Variants in SGCZ observed in about 807,000 individuals in gnomAD.
SGCZ encodes sarcoglycan zeta, also known as zeta-sarcoglycan.
Under a neutral mutation model 41.3 loss-of-function variants are expected in SGCZ, and 40 were observed. The ratio of observed to expected loss-of-function variants is 0.97; its 90% CI spans 0.75 to 1.26. SGCZ has a LOEUF of 1.26. Among genes scored for constraint, SGCZ ranks in the 50% most tolerant of loss-of-function variants. SGCZ has a pLI of 0.00. For missense variants in SGCZ, 552 were observed against 369.8 expected (o/e 1.49, Z -4.04); for synonymous variants, 206 against 137.5 (o/e 1.50, Z -3.49).
chr8:14,824,064 A>T (rs1475386420), intron 1 of SGCZ, among the ~76,000 whole-genome samples: 1 of 152,152 alleles, frequency 6.6e-6, no homozygotes, highest in African/African-American at 2.4e-5. Flanking sequence ...AGAAGCAAAG[A>T]ATAGAACAGT....
chr8:14,660,406 T>C (rs534425168), intron 1 of SGCZ, among the ~76,000 whole-genome samples: 2 of 151,762 alleles, frequency 1.3e-5, no homozygotes, highest in South Asian at 4.2e-4. Context: ...ACCTCATCTC[T>C]ACTAAAAATA....
At chr8:14,109,283 A>G (rs28437715) in intron 5 of SGCZ, among the ~76,000 whole-genome samples, 2,570 of 152,216 alleles carry the variant, frequency 0.017, 76 homozygotes, top group African/African-American at 0.058. Flanking sequence ...TACTGAATCC[A>G]TTTTTTTCCA....
At chr8:14,176,522 C>A (rs1804546320) in intron 4 of SGCZ, among the ~76,000 whole-genome samples, 1 of 152,070 alleles carries the variant, frequency 6.6e-6, no homozygotes, top group Non-Finnish European at 1.5e-5. Context: ...AATGTATGTC[C>A]TCAAATGACT....
intron 1 of SGCZ, among the ~76,000 whole-genome samples, chr8:15,208,203 T>G (rs1041103877): frequency 1.1e-4 from 17 of 152,214 alleles, no homozygotes; most frequent in African/African-American, 3.6e-4. Flanking sequence ...ACAGTAATCC[T>G]CAGGGTTTGC....
intron 5 of SGCZ, among the ~76,000 whole-genome samples, chr8:14,164,102 T>C (rs1413486439): frequency 6.6e-6 from 1 of 152,190 alleles, no homozygotes. Context: ...ATAATATGTG[T>C]ATAGCATTAG....
chr8:14,813,782 T>C (rs936924536), intron 1 of SGCZ, among the ~76,000 whole-genome samples: 1 of 152,050 alleles, frequency 6.6e-6, no homozygotes, highest in Non-Finnish European at 1.5e-5. Flanking sequence ...AGAAACTTCA[T>C]CTCTACTAAA....
At chr8:14,905,778 AC>A (rs1460457628) in intron 1 of SGCZ, among the ~76,000 whole-genome samples, 1 of 152,000 alleles carries the variant, frequency 6.6e-6, no homozygotes, top group Non-Finnish European at 1.5e-5. Flanking sequence ...ACTCAATTAA[AC>A]ATTGAATGAG....
chr8:14,470,025 T>A (rs961796840), intron 2 of SGCZ, among the ~76,000 whole-genome samples: 20 of 152,120 alleles, frequency 1.3e-4, no homozygotes, highest in African/African-American at 4.1e-4. Flanking sequence ...GAAGCTGGGT[T>A]GGTCAGAAGT....
chr8:14,445,557 C>T (rs959669179), intron 2 of SGCZ, among the ~76,000 whole-genome samples: 3 of 152,200 alleles, frequency 2.0e-5, no homozygotes, highest in Admixed American at 6.5e-5. Context: ...TCTCCAGCTG[C>T]CCTCTCCACT....
intron 1 of SGCZ, among the ~76,000 whole-genome samples, chr8:14,868,246 A>G (rs901885165): frequency 6.6e-6 from 1 of 152,052 alleles, no homozygotes; most frequent in Non-Finnish European, 1.5e-5. Flanking sequence ...CCCTCATGCA[A>G]CTCGGTGACC....
Position 14,831,227 on chromosome 8 carries a change from C to T in SGCZ, c.40-276301G>A, listed in dbSNP as rs147681716. On this transcript the variant is annotated intron_variant, in intron 1 of 7. Coordinates refer to ENST00000382080, the MANE Select transcript of SGCZ (RefSeq NM_139167.4). ...AAAGAAAGATTTTCAAAGTACATGACGGCAAAATACTCATGGTGTTTCAGT... is the reference window on the plus strand; with the variant it reads ...AAAGAAAGATTTTCAAAGTACATGATGGCAAAATACTCATGGTGTTTCAGT... Among the ~76,000 whole-genome samples, 1,389 of 152,210 alleles carry T rather than the reference C, an allele frequency of 9.1e-3. 11 individuals are homozygous for T. Among genetic ancestry groups the T allele is most frequent in the Non-Finnish European group, 0.013 (893 of 67,994 alleles).
intron 2 of SGCZ, among the ~76,000 whole-genome samples, chr8:14,439,543 T>G (rs1292636938): frequency 6.6e-6 from 1 of 151,674 alleles, no homozygotes; most frequent in East Asian, 1.9e-4. Flanking sequence ...CCCAAAATAT[T>G]AGCAAAGGGA....
intron 2 of SGCZ, among the ~76,000 whole-genome samples, chr8:14,429,704 AGAG>A (rs1799888921): frequency 6.6e-6 from 1 of 152,200 alleles, no homozygotes; most frequent in South Asian, 2.1e-4. Flanking sequence ...CCTTAGAAGA[AGAG>A]GACAAAACAC....
chr8:15,138,013 T>C lies in SGCZ; in HGVS notation c.39+99572A>G, dbSNP rs575480779. On this transcript the variant is annotated intron_variant, in intron 1 of 7. Coordinates refer to ENST00000382080, the MANE Select transcript of SGCZ (RefSeq NM_139167.4). ...TGAAAGCAGTCCCGGAGGGGGACTG[T>C]ACCCTACAAAGCCACAGGGGCAGAG... is the stretch of plus-strand genomic sequence containing the variant. Among the ~76,000 whole-genome samples the C allele has an allele frequency of 4.1e-4, 62 of 152,228 alleles. 1 individual carries two copies. Among genetic ancestry groups the C allele is most frequent in the African/African-American group, 1.4e-3 (57 of 41,558 alleles).
chr8:14,456,993 T>G (rs1800764594), intron 2 of SGCZ, among the ~76,000 whole-genome samples: 1 of 152,190 alleles, frequency 6.6e-6, no homozygotes, highest in South Asian at 2.1e-4. Context: ...CAGAAGCAGA[T>G]GCTTCCAGTG....
chr8:14,188,986 G>C (rs1183339524), intron 4 of SGCZ, among the ~76,000 whole-genome samples: 2 of 150,210 alleles, frequency 1.3e-5, no homozygotes, highest in Admixed American at 6.6e-5. Context: ...CTCCTGAGTA[G>C]CTGCGATTAC....
At chr8:14,388,790 G>C (rs1402113477) in intron 2 of SGCZ, among the ~76,000 whole-genome samples, 1 of 150,158 alleles carries the variant, frequency 6.7e-6, no homozygotes, top group Non-Finnish European at 1.5e-5. Flanking sequence ...TAAAAAACCT[G>C]CATATGTACT....
intron 5 of SGCZ, among the ~76,000 whole-genome samples, chr8:14,109,958 C>T (rs540549339): frequency 6.6e-6 from 1 of 152,270 alleles, no homozygotes; most frequent in South Asian, 2.1e-4. Flanking sequence ...TCTCTTCTCT[C>T]TCTCTCTGTC....
chr8:14,898,034 GATGTGTTTAGT>G (rs1351344453), intron 1 of SGCZ, among the ~76,000 whole-genome samples: 1 of 151,984 alleles, frequency 6.6e-6, no homozygotes, highest in Admixed American at 6.6e-5. Flanking sequence ...TTCACGAACA[GATGTGTTTAGT>G]ATGTTTATAC....
Sources: gnomAD v4.1 joint callset for allele counts (sites outside exome capture counted in the v4.1 genomes callset) on GRCh38, gnomAD v4.1.1 for gene constraint, MANE v1.5 for transcripts, NCBI Gene and HGNC (gene_info 2026-07-23, HGNC 2026-07-21) for gene names.